Variants in FASN observed in about 807,000 individuals in gnomAD.
FASN encodes 3-hydroxyacyl-[acyl-carrier-protein] dehydratase.
A neutral mutation model predicts 250.0 loss-of-function variants in FASN; 50 were observed. That is an observed-to-expected ratio of 0.20 (90% confidence interval 0.16 to 0.25). The LOEUF (loss-of-function observed/expected upper bound fraction) is 0.25. Ranked by LOEUF, FASN falls within the 10% of genes least tolerant of loss-of-function variation. The pLI, the probability that FASN is intolerant of heterozygous loss-of-function variation, is 1.00. For missense variants in FASN, 3,031 were observed against 3,498.5 expected (o/e 0.87, Z 3.37); for synonymous variants, 1,909 against 1,584.0 (o/e 1.21, Z -4.87).
At position 82,096,260 on chromosome 17, in the gene FASN, G is replaced by C. The variant is rs1453194023; in HGVS notation, c.127+59C>G. 6 of 1,604,594 alleles carry C rather than the reference G, an allele frequency of 3.7e-6. No homozygotes were observed. The African/African-American group carries it at 6.7e-5, about 18-fold the overall frequency. ...CAGCACAGCAGGGAGGCTGCTGTGAGGACAAAGGTGGAGATGGAGCTTCAC... is the reference window on the plus strand; with the variant it reads ...CAGCACAGCAGGGAGGCTGCTGTGACGACAAAGGTGGAGATGGAGCTTCAC... On this transcript the variant is annotated intron_variant, in intron 2 of 42. Transcript: ENST00000306749.
In FASN at chr17:82,085,493, T is replaced by C; in HGVS notation, c.4111A>G (p.Ile1371Val). The change falls in exon 23 of 43, where the codon ATC becomes GTC. Residue 1371 changes from isoleucine (I) to valine (V), a missense_variant. Coordinates refer to ENST00000306749, the MANE Select transcript of FASN (RefSeq NM_004104.5). ...TSTEPQYGQG[I>V]LSQDAWESLF... ...CCCGGCGGCCGCACCTGGCTCAGGA[T>C]GCCCTGGCCATACTGCGGCTCAGTG... 5 of 1,593,122 alleles carry C rather than the reference T, an allele frequency of 3.1e-6. No individual in the cohort carries two copies. The highest frequency in any genetic ancestry group is 4.3e-6 in the Non-Finnish European group (5 of 1,170,652).
Position 82,084,971 on chromosome 17 carries a change from G to A in FASN, c.4410-18C>T. ...GCACACACCTGGGGGCAGAGGCGGG[G>A]AGCTCAGGCTGGGGATGGGGAGGCT... On this transcript the variant is annotated intron_variant, in intron 25 of 42. Coordinates refer to ENST00000306749, the MANE Select transcript of FASN (RefSeq NM_004104.5). 1 of 1,567,210 alleles carries A rather than the reference G, an allele frequency of 6.4e-7. No homozygotes were observed. Among genetic ancestry groups the A allele is most frequent in the Non-Finnish European group, 8.7e-7 (1 of 1,155,930 alleles).
rs2034139338 is a variant in FASN, at chr17:82,088,192, C to T, written c.2709G>A (p.Leu903=). The T allele has an allele frequency of 6.2e-7, 1 of 1,612,378 alleles. No homozygotes were observed. The highest frequency in any genetic ancestry group is 1.7e-5 in the Admixed American group (1 of 60,008). ...CAGGCAGCTGCTCGACGCCCAGGCC[C>T]AGGGCGCGGGCCAGCGTCTTCCACA... ...SIVWKTLARA[L]GLGVEQLPVV... The change falls in exon 17 of 43, where the codon CTG becomes CTA. Residue 903 remains leucine (L), a synonymous_variant. Transcript: ENST00000306749.
chr17:82,095,449 A>T lies in FASN; in HGVS notation c.151T>A (p.Ser51Thr), dbSNP rs1431819145. The T allele has an allele frequency of 6.2e-7, 1 of 1,612,452 alleles. No individual in the cohort carries two copies. The highest frequency in any genetic ancestry group is 8.5e-7 in the Non-Finnish European group (1 of 1,179,968). ...CTAGACAGGTCCTTCAGCTTGCCGG[A>T]CCGCCGGGGCAGGCCGTAGAGCCCT... is the stretch of plus-strand genomic sequence containing the variant. ...KAGLYGLPRR[S>T]GKLKDLSRFD... is the part of the protein sequence containing the mutation. The change falls in exon 3 of 43, where the codon TCC becomes ACC. Residue 51 changes from serine (S) to threonine (T), a missense_variant. Transcript: ENST00000306749.
chr17:82,084,682 C>T lies in FASN; in HGVS notation c.4599G>A (p.Val1533=). The T allele has an allele frequency of 6.3e-7, 1 of 1,580,634 alleles. No individual in the cohort carries two copies. The highest frequency in any genetic ancestry group is 8.6e-7 in the Non-Finnish European group (1 of 1,163,902). The change falls in exon 27 of 43, where the codon GTG becomes GTA. Residue 1533 remains valine (V), a synonymous_variant. Transcript: ENST00000306749. ...ACAGGTCCCCCCGGGTGAGGGTGCT[C>T]ACAAAGGCATGTGCCGTCGGCTCCT... ...KPEEPTAHAF[V]STLTRGDLSS...
chr17:82,081,164 C>T lies in FASN; in HGVS notation c.6595G>A (p.Glu2199Lys), dbSNP rs747906170. 1.6e-5 allele frequency: 26 copies of T among 1,579,496 alleles called. No individual in the cohort carries two copies. Among genetic ancestry groups the T allele is most frequent in the East Asian group, 2.3e-5 (1 of 43,740 alleles). ...ELSSKADEAS[E>K]LACPTPKEDG... The stretch of plus-strand genomic sequence containing the variant: ...CTCCCGCCTGGCCACCCACACGCAC[C>T]GCTGGCCTCATCCGCCTTTGAGGAC... Residue 2199 changes from glutamate to lysine, a missense_variant and splice_region_variant, in exon 38 of 43, where the codon GAG (glutamate) becomes AAG (lysine). Glu to Lys is a moderately conservative substitution (Grantham distance 56). Transcript: ENST00000306749.
Position 82,085,778 on chromosome 17 carries a change from G to A in FASN, c.3826C>T (p.His1276Tyr), listed in dbSNP as rs1322623905. ...TGGGCAGCCTCCAGGGCCTGGGGGT[G>A]GCGGTCGGTGGCCGTGTAGCTCAGC... ...LQLSYTATDR[H>Y]PQALEAAQAE... Residue 1276 changes from histidine (H) to tyrosine (Y), a missense_variant, in exon 23 of 43, where the codon CAC becomes TAC. By Grantham distance (83) the His-to-Tyr change is moderately conservative. Transcript: ENST00000306749. The A allele has an allele frequency of 6.4e-7, 1 of 1,562,236 alleles. No homozygotes were observed. Among genetic ancestry groups the A allele is most frequent in the Non-Finnish European group, 8.7e-7 (1 of 1,154,110 alleles).
rs767259814 is a variant in FASN at position 82,091,318 on chromosome 17, G to A, written c.1396C>T (p.Pro466Ser). Residue 466 changes from proline to serine, a missense_variant, in exon 9 of 43, where the codon CCC (proline) becomes TCC (serine). Coordinates refer to ENST00000306749, the MANE Select transcript of FASN (RefSeq NM_004104.5). ...DIAAVPATAM[P>S]FRGYAVLGGE... The stretch of plus-strand genomic sequence containing the variant: ...CCCAGCACAGCGTAGCCACGGAAGG[G>A]CATGGCGGTGGCGGGGACAGCCGCG... 2.7e-5 allele frequency: 43 copies of A among 1,610,772 alleles called. No individual in the cohort carries two copies. Among genetic ancestry groups the A allele is most frequent in the Non-Finnish European group, 3.6e-5 (43 of 1,179,310 alleles).
At position 82,091,432 on chromosome 17, in the gene FASN, C is replaced by T. The variant is rs977037724; in HGVS notation, c.1282G>A (p.Gly428Arg). 1 of 1,607,656 alleles carries T rather than the reference C, an allele frequency of 6.2e-7. No homozygotes were observed. The highest frequency in any genetic ancestry group is 8.5e-7 in the Non-Finnish European group (1 of 1,177,690). Reference sequence around the variant, plus strand: ...TTCTGCACGGCCTCAGGGGTGCGTCCGCTGGCCCGCAGCAGACGGGGCAGG... The same window carrying T: ...TTCTGCACGGCCTCAGGGGTGCGTCTGCTGGCCCGCAGCAGACGGGGCAGG... Reference protein sequence around the residue: ...ATLPRLLRASGRTPEAVQKLL... With the variant: ...ATLPRLLRASRRTPEAVQKLL... Residue 428 changes from glycine to arginine, a missense_variant, in exon 9 of 43, where the codon GGA (glycine) becomes AGA (arginine). Gly to Arg is a moderately radical substitution (Grantham distance 125, BLOSUM62 -2). Transcript: ENST00000306749.
Position 82,078,691 on chromosome 17 carries a change from G to A in FASN, c.*452C>T. 4.0e-6 allele frequency: 1 copy of A among 252,360 alleles called. No individual in the cohort carries two copies. The highest frequency in any genetic ancestry group is 7.9e-6 in the Non-Finnish European group (1 of 127,232). The allele number at this position is 252,360 out of a possible 1,614,324, so 15.6% of individuals were successfully genotyped here. A position where few individuals can be genotyped will look rare whatever the true frequency, so the allele number is the denominator to read the frequency against. On this transcript the variant is annotated 3_prime_UTR_variant, in exon 43 of 43. Coordinates refer to ENST00000306749, the MANE Select transcript of FASN (RefSeq NM_004104.5). This position sits in a 1 kb window ranked among gnomAD's most constrained non-coding sequence, Gnocchi z 5.4. ...GCCGAGAGGGGGCCGCAGCCAGCAG[G>A]CTTGGGTGGCTGCCCGCGCCCGCAG...
chr17:82,092,919 A>G lies in FASN; in HGVS notation c.756T>C (p.Asn252=). ...VYATILNAGT[N]TDGFKEQGVT... ...CACCTTGCTCCTTGAAGCCATCTGTATTGGTGCCGGCGTTCAGGATGGTGG... is the reference window on the plus strand; with the variant it reads ...CACCTTGCTCCTTGAAGCCATCTGTGTTGGTGCCGGCGTTCAGGATGGTGG... Residue 252 remains asparagine, a synonymous_variant, in exon 6 of 43, where the codon AAT becomes AAC. Transcript: ENST00000306749. The G allele has an allele frequency of 6.2e-7, 1 of 1,605,530 alleles. No individual in the cohort carries two copies. Among genetic ancestry groups the G allele is most frequent in the Non-Finnish European group, 8.5e-7 (1 of 1,176,826 alleles).
rs1430163534 is a variant in FASN, at chr17:82,082,088, A to G, written c.6084T>C (p.Asn2028=). 1.4e-5 allele frequency: 23 copies of G among 1,609,782 alleles called. No homozygotes were observed. The highest frequency in any genetic ancestry group is 1.7e-5 in the Non-Finnish European group (20 of 1,179,966). The change falls in exon 36 of 43, where the codon AAT becomes AAC. Residue 2028 remains asparagine, a synonymous_variant. Coordinates refer to ENST00000306749, the MANE Select transcript of FASN (RefSeq NM_004104.5). Reference sequence around the variant, plus strand: ...CAAAGCCGTAGTTGCTCTGTCCCGCATTGCCACGCCCGCAGCTCACAGAGG... The same window carrying G: ...CAAAGCCGTAGTTGCTCTGTCCCGCGTTGCCACGCCCGCAGCTCACAGAGG... ...VFSSVSCGRG[N]AGQSNYGFAN...
At position 82,086,516 on chromosome 17, in the gene FASN, A is replaced by G. The variant is rs1460388654; in HGVS notation, c.3470T>C (p.Leu1157Pro). Reference sequence around the variant, plus strand: ...ATCCAGTCCGGGCACCACCATCTTCAGCCCCTGCTGGGTCACCTTGGTCTG... The same window carrying G: ...ATCCAGTCCGGGCACCACCATCTTCGGCCCCTGCTGGGTCACCTTGGTCTG... ...ALQTKVTQQGLKMVVPGLDGA... is the reference protein window; with the variant it reads ...ALQTKVTQQGPKMVVPGLDGA... The change falls in exon 22 of 43, where the codon CTG becomes CCG. Residue 1157 changes from leucine to proline, a missense_variant. Leu to Pro is a moderately conservative substitution (Grantham distance 98). Transcript: ENST00000306749. 7 of 1,612,224 alleles carry G rather than the reference A, an allele frequency of 4.3e-6. No homozygotes were observed. The highest frequency in any genetic ancestry group is 5.9e-6 in the Non-Finnish European group (7 of 1,179,980).
At chr17:82,090,785 T>C (rs2034190468) in intron 10 of FASN, 97 bp downstream of exon 10, 3 of 1,412,628 alleles carry the variant, frequency 2.1e-6, no homozygotes, top group South Asian at 1.2e-5. Context: ...AAAGGGGCTG[T>C]CAGGGGCCCC....
intron 1 of FASN, among the ~76,000 whole-genome samples, chr17:82,097,784 A>T (rs1461615132): frequency 6.6e-6 from 1 of 151,836 alleles, no homozygotes; most frequent in Non-Finnish European, 1.5e-5. Flanking sequence ...CGGGAGGAGG[A>T]TGCGGCGGCG....
chr17:82,084,018 G>T lies in FASN; in HGVS notation c.5055C>A (p.Ile1685=), dbSNP rs748214805. The change falls in exon 29 of 43, where the codon ATC becomes ATA. Residue 1685 remains isoleucine (I), a synonymous_variant. Transcript: ENST00000306749. The stretch of plus-strand genomic sequence containing the variant: ...GGCAGCCCAGACTGAGGGCGATGGC[G>T]ATGGCGGCCTGGCCCACGCCGCCCG... The part of the protein sequence containing the change: ...SGSGGVGQAA[I]AIALSLGCRV... 7 of 1,539,672 alleles carry T rather than the reference G, an allele frequency of 4.5e-6. No homozygotes were observed. The highest frequency in any genetic ancestry group is 6.1e-6 in the Non-Finnish European group (7 of 1,145,446).
rs755195686 is a variant in FASN at position 82,092,736 on chromosome 17, C to T, written c.855G>A (p.Glu285=). ...SLYQSAGVAP[E]SFEYIEAHGT... is the part of the protein sequence containing the mutation. ...CGTGGGCTTCGATGTATTCAAATGA[C>T]TCAGGGGCCACTCCGGCCGACTGGT... Residue 285 remains glutamate (E), a synonymous_variant, in exon 7 of 43, where the codon GAG becomes GAA. Coordinates refer to ENST00000306749, the MANE Select transcript of FASN (RefSeq NM_004104.5). 5.0e-6 allele frequency: 8 copies of T among 1,604,004 alleles called. No homozygotes were observed. Among genetic ancestry groups the T allele is most frequent in the Non-Finnish European group, 5.9e-6 (7 of 1,177,236 alleles).
At chr17:82,086,157 A>C in intron 22 of FASN, 97 bp downstream of exon 22, 2 of 1,522,484 alleles carry the variant, frequency 1.3e-6, no homozygotes, top group African/African-American at 1.4e-5. Flanking sequence ...CCCACCGCCC[A>C]GGGCCCGCCC....
intron 12 of FASN, 99 bp downstream of exon 12, chr17:82,089,533 C>CA: frequency 2.6e-6 from 4 of 1,550,082 alleles, no homozygotes; most frequent in Middle Eastern, 3.5e-4. Flanking sequence ...CCAGGCCCGT[C>CA]AGAGCTTGGT....
Sources: gnomAD v4.1 joint callset for allele counts (sites outside exome capture counted in the v4.1 genomes callset) on GRCh38, gnomAD v4.1.1 for gene constraint, Gnocchi (gnomAD v3.1) non-coding constraint, MANE v1.5 for transcripts, NCBI Gene and HGNC (gene_info 2026-07-23, HGNC 2026-07-21) for gene names.